HSPE1: variants seen among roughly 807,000 people sequenced by gnomAD.
The protein encoded by HSPE1 is 10 kDa heat shock protein, mitochondrial.
A neutral mutation model predicts 13.2 loss-of-function variants in HSPE1; 1 was observed. The ratio of observed to expected loss-of-function variants is 0.08; its 90% CI spans 0.03 to 0.36. The LOEUF is 0.36. Ranked by LOEUF, HSPE1 falls within the 10% of genes least tolerant of loss-of-function variation. The pLI is 0.99. For synonymous variants in HSPE1, 44 were observed against 42.0 expected, an observed-to-expected ratio of 1.05 and a Z score of -0.19; for missense variants, 73 against 118.7, an observed-to-expected ratio of 0.62 and a Z score of 1.79.
chr2:197,501,241 A>G lies in HSPE1; in HGVS notation c.168+3A>G. 1.2e-6 allele frequency: 2 copies of G among 1,608,060 alleles called. No homozygotes were observed. The highest frequency in any genetic ancestry group is 1.1e-5 in the South Asian group (1 of 90,362). ...TTGGATCGGGTTCTAAAGGAAAGGT[A>G]AATGGGAGCTGCAGTGGAACTATTT... On this transcript the variant is annotated splice_donor_region_variant and intron_variant, in intron 2 of 3. Transcript: ENST00000233893.
chr2:197,500,491 A>C, intron 1 of HSPE1, 52 bp downstream of exon 1: 1 of 1,436,876 alleles, frequency 7.0e-7, no homozygotes, highest in Non-Finnish European at 9.4e-7. Flanking sequence ...TCTGAGGCGT[A>C]CGGGGATCCC....
At chr2:197,502,376 T>G (rs2086268087) in intron 2 of HSPE1, among the ~76,000 whole-genome samples, 1 of 152,210 alleles carries the variant, frequency 6.6e-6, no homozygotes, top group African/African-American at 2.4e-5. Context: ...CTCAGTTAAT[T>G]GTTTAGGCCT....
At chr2:197,501,424 C>CAAT in intron 2 of HSPE1, 186 bp downstream of exon 2, 1 of 652,688 alleles carries the variant, frequency 1.5e-6, no homozygotes, top group Non-Finnish European at 2.5e-6. Flanking sequence ...TTTATATGAC[C>CAAT]AATGCTATGA....
intron 1 of HSPE1, chr2:197,500,817 A>G: frequency 3.4e-6 from 2 of 588,132 alleles, no homozygotes; most frequent in Middle Eastern, 4.5e-4. Flanking sequence ...TTGACCTTGG[A>G]ATAAACTAAG....
chr2:197,500,783 G>A (rs2086242481), intron 1 of HSPE1: 2 of 577,364 alleles, frequency 3.5e-6, no homozygotes, highest in African/African-American at 1.9e-5. Context: ...AAAATTTCTG[G>A]AAAAACCTGA....
intron 2 of HSPE1, among the ~76,000 whole-genome samples, chr2:197,501,921 A>G (rs1309819943): frequency 6.6e-6 from 1 of 152,186 alleles, no homozygotes; most frequent in East Asian, 1.9e-4. Context: ...AAGCAGGAGG[A>G]TCGTTTGAGC....
chr2:197,500,932 A>G, intron 1 of HSPE1, 142 bp from the exon 2 acceptor site: 1 of 978,086 alleles, frequency 1.0e-6, no homozygotes, highest in Admixed American at 2.8e-5. Flanking sequence ...AGTACATTCA[A>G]ATGCGCTTCC....
chr2:197,503,293 G>A lies in HSPE1; in HGVS notation c.*34G>A, dbSNP rs748464908. 7.2e-7 allele frequency: 1 copy of A among 1,384,266 alleles called. No homozygotes were observed. The highest frequency in any genetic ancestry group is 1.0e-6 in the Non-Finnish European group (1 of 983,932). The allele number at this position is 1,384,266 out of a possible 1,614,324, so 85.7% of individuals were successfully genotyped here. A position where few individuals can be genotyped will look rare whatever the true frequency, so the allele number is the denominator to read the frequency against. On this transcript the variant is annotated 3_prime_UTR_variant, in exon 4 of 4. Transcript: ENST00000233893. ...ACTATTGAAATGGCATCAACATGATGCTGCCCATTCCACTGAAGTTCTGAA... is the reference window on the plus strand; with the variant it reads ...ACTATTGAAATGGCATCAACATGATACTGCCCATTCCACTGAAGTTCTGAA...
intron 2 of HSPE1, among the ~76,000 whole-genome samples, chr2:197,502,247 A>AT (rs964587745): frequency 1.3e-5 from 2 of 151,908 alleles, no homozygotes; most frequent in Non-Finnish European, 2.9e-5. Context: ...TTCTTTTGCA[A>AT]TTTTTTTTAA....
rs1171904028 is a variant in HSPE1 at position 197,501,053 on chromosome 2, A to G, written c.4-21A>G. The G allele has an allele frequency of 1.9e-6, 3 of 1,606,106 alleles. No homozygotes were observed. The South Asian group carries it at 3.3e-5, about 18-fold the overall frequency. ...TGTGATTACATTTAGTTTTTGTTTC[A>G]AAACATTTCTCTTCCTACAGGCAGG... On this transcript the variant is annotated intron_variant, in intron 1 of 3. Transcript: ENST00000233893.
intron 1 of HSPE1, 196 bp from the exon 2 acceptor site, chr2:197,500,878 C>G: frequency 3.0e-6 from 2 of 672,942 alleles, no homozygotes; most frequent in Non-Finnish European, 5.0e-6. Flanking sequence ...ACAACGACCC[C>G]TAACAGACGT....
At chr2:197,500,650 AG>A (rs370752631) in intron 1 of HSPE1, 17 of 704,026 alleles carry the variant, frequency 2.4e-5, no homozygotes, top group African/African-American at 2.3e-4. Context: ...TGTGTAAGGC[AG>A]GGGGGCGAGA....
chr2:197,500,675 C>A, intron 1 of HSPE1: 3 of 628,346 alleles, frequency 4.8e-6, no homozygotes, highest in Middle Eastern at 4.3e-4. Flanking sequence ...CGGGCGCACG[C>A]GCAGCGTCTC....
chr2:197,500,979 A>G (rs1300652760), intron 1 of HSPE1, 95 bp from the exon 2 acceptor site: 1 of 1,444,930 alleles, frequency 6.9e-7, no homozygotes, highest in African/African-American at 1.4e-5. Context: ...TAACTTTCAA[A>G]GCCAAAACGT....
In HSPE1 at chr2:197,501,256, T is replaced by A; in HGVS notation, c.168+18T>A. The A allele has an allele frequency of 6.3e-7, 1 of 1,595,238 alleles. No individual in the cohort carries two copies. Among genetic ancestry groups the A allele is most frequent in the Non-Finnish European group, 8.6e-7 (1 of 1,169,354 alleles). ...AAGGAAAGGTAAATGGGAGCTGCAGTGGAACTATTTTTTATAGTGTGCAGT... is the reference window on the plus strand; with the variant it reads ...AAGGAAAGGTAAATGGGAGCTGCAGAGGAACTATTTTTTATAGTGTGCAGT... On this transcript the variant is annotated intron_variant, in intron 2 of 3. Coordinates refer to ENST00000233893, the MANE Select transcript of HSPE1 (RefSeq NM_002157.3).
chr2:197,502,432 G>A (rs1574609739), intron 2 of HSPE1, among the ~76,000 whole-genome samples: 2 of 152,158 alleles, frequency 1.3e-5, no homozygotes, highest in Admixed American at 6.6e-5. Context: ...AACGCCGTTG[G>A]GGCCAAATAA....
rs760573266 is a variant in HSPE1, at chr2:197,501,180, C to T, written c.110C>T (p.Ser37Phe). ...GGAGGCATTATGCTTCCAGAAAAAT[C>T]TCAAGGAAAAGTATTGCAAGCAACA... is the stretch of plus-strand genomic sequence containing the variant. Reference protein sequence around the residue: ...TKGGIMLPEKSQGKVLQATVV... With the variant: ...TKGGIMLPEKFQGKVLQATVV... Residue 37 changes from serine to phenylalanine, a missense_variant, in exon 2 of 4, where the codon TCT (serine) becomes TTT (phenylalanine). Coordinates refer to ENST00000233893, the MANE Select transcript of HSPE1 (RefSeq NM_002157.3). The T allele has an allele frequency of 6.2e-7, 1 of 1,614,074 alleles. No individual in the cohort carries two copies. Among genetic ancestry groups the T allele is most frequent in the Non-Finnish European group, 8.5e-7 (1 of 1,179,986 alleles).
chr2:197,501,604 G>C, intron 2 of HSPE1: 1 of 156,558 alleles, frequency 6.4e-6, no homozygotes, highest in South Asian at 1.7e-4. Context: ...CTCTACTAAA[G>C]ATACAAAAAT....
chr2:197,500,878 C>T, intron 1 of HSPE1, 196 bp from the exon 2 acceptor site: 2 of 672,942 alleles, frequency 3.0e-6, no homozygotes, highest in Non-Finnish European at 2.5e-6. Context: ...ACAACGACCC[C>T]TAACAGACGT....
Sources: gnomAD v4.1 joint callset for allele counts (sites outside exome capture counted in the v4.1 genomes callset) on GRCh38, gnomAD v4.1.1 for gene constraint, MANE v1.5 for transcripts, NCBI Gene and HGNC (gene_info 2026-07-23, HGNC 2026-07-21) for gene names.